SPINK8: variants seen among roughly 807,000 people sequenced by gnomAD.
SPINK8 encodes serine protease inhibitor Kazal-type 8.
Under a neutral mutation model 14.4 loss-of-function variants are expected in SPINK8, and 12 were observed. The observed-to-expected ratio is 0.83, with a 90% CI of 0.53 to 1.35. SPINK8 has a LOEUF of 1.35. Ranked by LOEUF, SPINK8 falls within the 40% of genes most tolerant of loss-of-function variation. SPINK8 has a pLI of 0.00. For missense variants in SPINK8, 103 were observed against 117.0 expected (o/e 0.88, Z 0.55); for synonymous variants, 32 against 37.6 (o/e 0.85, Z 0.55).
intron 6 of SPINK8, among the ~76,000 whole-genome samples, chr3:48,311,471 TGATTC>T (rs1158385350): frequency 1.3e-5 from 2 of 152,186 alleles, no homozygotes; most frequent in African/African-American, 4.8e-5. Flanking sequence ...AAAGATGATA[TGATTC>T]TATATGTAGA....
At chr3:48,322,939 T>C (rs1018307375) in intron 4 of SPINK8, among the ~76,000 whole-genome samples, 9 of 152,186 alleles carry the variant, frequency 5.9e-5, no homozygotes, top group Non-Finnish European at 1.5e-5. Context: ...TTCCCTTAAG[T>C]ATATACAAAG....
At chr3:48,317,970 G>A (rs2036016196) in intron 6 of SPINK8, among the ~76,000 whole-genome samples, 1 of 151,964 alleles carries the variant, frequency 6.6e-6, no homozygotes, top group African/African-American at 2.4e-5. Context: ...AAATCCCTAG[G>A]CTCAAGCAAT....
chr3:48,323,541 T>C (rs2036103101), intron 4 of SPINK8, among the ~76,000 whole-genome samples: 1 of 152,260 alleles, frequency 6.6e-6, no homozygotes, highest in Admixed American at 6.5e-5. Flanking sequence ...AATTCACTCA[T>C]ATTGTTTTCT....
intron 4 of SPINK8, among the ~76,000 whole-genome samples, chr3:48,326,908 C>CAAA (rs11383648): frequency 2.3e-5 from 3 of 129,134 alleles, no homozygotes; most frequent in African/African-American, 8.5e-5. Flanking sequence ...GACTCTGTCT[C>CAAA]AAAAAAAAAA....
chr3:48,311,420 G>T (rs760750440), intron 6 of SPINK8, among the ~76,000 whole-genome samples: 1 of 151,890 alleles, frequency 6.6e-6, no homozygotes, highest in African/African-American at 2.4e-5. Context: ...GAAATAAAAG[G>T]CATCCAAATT....
At chr3:48,322,760 AC>A (rs557079535) in intron 4 of SPINK8, among the ~76,000 whole-genome samples, 126 of 152,242 alleles carry the variant, frequency 8.3e-4, no homozygotes, top group African/African-American at 2.9e-3. Flanking sequence ...TTGTATCAGT[AC>A]TTCATTCTTT....
At chr3:48,319,709 G>A (rs1236505766) in intron 5 of SPINK8, 91 bp from the exon 6 acceptor site, 11 of 1,542,878 alleles carry the variant, frequency 7.1e-6, no homozygotes, top group African/African-American at 1.4e-5. Flanking sequence ...GATGGAATAC[G>A]AGCACCAGAT....
chr3:48,322,007 G>C (rs2036082869), intron 4 of SPINK8, among the ~76,000 whole-genome samples: 1 of 151,968 alleles, frequency 6.6e-6, no homozygotes, highest in Non-Finnish European at 1.5e-5. Context: ...GTGGAGCTGA[G>C]GTCTCACTAC....
intron 2 of SPINK8, among the ~76,000 whole-genome samples, chr3:48,330,985 T>C (rs2036248989): frequency 4.0e-5 from 6 of 151,864 alleles, no homozygotes; most frequent in Admixed American, 3.9e-4. Context: ...GCCTTTGATG[T>C]CATCAATATC....
intron 6 of SPINK8, among the ~76,000 whole-genome samples, chr3:48,312,996 C>CAAAAAAAAA (rs57016387): frequency 2.5e-4 from 30 of 122,020 alleles, no homozygotes; most frequent in Admixed American, 4.3e-4. Context: ...GACTCTGTCT[C>CAAAAAAAAA]AAAAAAAAAA....
At chr3:48,319,355 A>G in intron 6 of SPINK8, 142 bp downstream of exon 6, 8 of 977,142 alleles carry the variant, frequency 8.2e-6, no homozygotes, top group Non-Finnish European at 1.1e-5. Flanking sequence ...GGAATGGAAG[A>G]AAGGGAGGAA....
chr3:48,308,140 A>AT lies in SPINK8; in HGVS notation c.283-1138dup, dbSNP rs1032052800. 6.6e-5 allele frequency among the ~76,000 whole-genome samples: 10 copies of AT among 150,826 alleles called. No homozygotes were observed. In the East Asian group the frequency reaches 7.8e-4, roughly 12 times the overall value. ...AGGCGCCCGCCACCAAGACTGGCTA[A>AT]TTTTTTTTGTATTTTTAGTAGAGAT... On this transcript the variant is annotated intron_variant, in intron 7 of 7. Transcript: ENST00000434006.
At chr3:48,330,734 T>C (rs1355305564) in intron 2 of SPINK8, among the ~76,000 whole-genome samples, 4 of 151,758 alleles carry the variant, frequency 2.6e-5, no homozygotes, top group African/African-American at 7.2e-5. Context: ...TACTACCTGA[T>C]TGGTCGGGCT....
chr3:48,309,944 AAT>A lies in SPINK8; in HGVS notation c.240_241del (p.Phe81Ter). The A allele has an allele frequency of 7.0e-7, 1 of 1,422,270 alleles. No homozygotes were observed. The highest frequency in any genetic ancestry group is 9.2e-7 in the Non-Finnish European group (1 of 1,088,390). 88.1% of individuals were successfully genotyped at this position (1,422,270 alleles called of 1,614,324 possible). On this transcript the variant is annotated frameshift_variant and splice_region_variant, in exon 7 of 8. Transcript: ENST00000434006. LOFTEE classifies it high-confidence loss of function. ...CAGTTTAGTTATGTTAAGCCCTTCAAATCTGAAAGAAATTATATTTTAAAATT... is the reference window on the plus strand; with the variant it reads ...CAGTTTAGTTATGTTAAGCCCTTCAACTGAAAGAAATTATATTTTAAAATT...
At chr3:48,307,663 A>G (rs187951363) in intron 7 of SPINK8, among the ~76,000 whole-genome samples, 1 of 151,966 alleles carries the variant, frequency 6.6e-6, no homozygotes, top group Admixed American at 6.6e-5. Context: ...TCTTAATGCA[A>G]TTATATACTC....
At chr3:48,316,096 A>C (rs774324652) in intron 6 of SPINK8, among the ~76,000 whole-genome samples, 17 of 152,264 alleles carry the variant, frequency 1.1e-4, no homozygotes, top group Middle Eastern at 3.2e-3. Context: ...GAAAAAAATG[A>C]ATATAGCCAC....
intron 4 of SPINK8, among the ~76,000 whole-genome samples, chr3:48,322,900 C>T (rs2036093886): frequency 6.6e-6 from 1 of 152,088 alleles, no homozygotes; most frequent in Non-Finnish European, 1.5e-5. Context: ...TATTTATGCA[C>T]ACATTTTTGT....
chr3:48,306,958 G>A lies in SPINK8; in HGVS notation c.*34C>T. 2.5e-6 allele frequency: 4 copies of A among 1,610,772 alleles called. No individual in the cohort carries two copies. The highest frequency in any genetic ancestry group is 3.4e-6 in the Non-Finnish European group (4 of 1,177,942). On this transcript the variant is annotated 3_prime_UTR_variant, in exon 8 of 8. Coordinates refer to ENST00000434006, the MANE Select transcript of SPINK8 (RefSeq NM_001080525.3). ...ATTGTGTTTCACTTGGCAATCTGGAGATTCAGTAGGTTTTATAATTCTTTG... is the reference window on the plus strand; with the variant it reads ...ATTGTGTTTCACTTGGCAATCTGGAAATTCAGTAGGTTTTATAATTCTTTG...
At chr3:48,309,438 G>C (rs1257116452) in intron 7 of SPINK8, among the ~76,000 whole-genome samples, 1 of 152,244 alleles carries the variant, frequency 6.6e-6, no homozygotes, top group Non-Finnish European at 1.5e-5. Context: ...ACAGGGAAGA[G>C]CAAGGGTGAA....
Sources: allele counts gnomAD v4.1 joint callset (sites outside exome capture counted in the v4.1 genomes callset), GRCh38; gene constraint gnomAD v4.1.1; transcripts MANE v1.5; gene names NCBI Gene and HGNC (gene_info 2026-07-23, HGNC 2026-07-21).